Variants in BNC2 observed in about 807,000 individuals in gnomAD.
BNC2 encodes zinc finger protein basonuclin-2.
A neutral mutation model predicts 76.3 loss-of-function variants in BNC2; 20 were observed. The observed-to-expected ratio is 0.26, with a 90% confidence interval of 0.18 to 0.38. BNC2 has a LOEUF of 0.38. BNC2 is among the 10% of genes least tolerant of loss of function. BNC2 has a pLI of 1.00. For missense variants in BNC2, 1,382 were observed against 1,399.8 expected (o/e 0.99, Z 0.20); for synonymous variants, 582 against 514.8 (o/e 1.13, Z -1.77).
chr9:16,580,046 C>T (rs907265059), intron 4 of BNC2: 7 of 398,268 alleles, frequency 1.8e-5, no homozygotes, highest in African/African-American at 1.4e-4. Context: ...AAGTCACTTC[C>T]TCATTGCCCC....
At chr9:16,667,748 T>C (rs772024361) in intron 3 of BNC2, among the ~76,000 whole-genome samples, 3 of 152,152 alleles carry the variant, frequency 2.0e-5, no homozygotes, top group Non-Finnish European at 2.9e-5. Context: ...GAAAAAAATA[T>C]AGCATATGTT....
chr9:16,863,410 C>A (rs1317372855), intron 1 of BNC2, among the ~76,000 whole-genome samples: 1 of 152,144 alleles, frequency 6.6e-6, no homozygotes, highest in Non-Finnish European at 1.5e-5. Context: ...GGTGGCTGGG[C>A]ACAGTGGCTC....
intron 5 of BNC2, among the ~76,000 whole-genome samples, chr9:16,478,083 T>C (rs532919613): frequency 6.6e-6 from 1 of 152,218 alleles, no homozygotes; most frequent in Non-Finnish European, 1.5e-5. Flanking sequence ...AGGTAGTTCA[T>C]TTCATTGTTT....
At chr9:16,472,934 T>C (rs1821855382) in intron 5 of BNC2, among the ~76,000 whole-genome samples, 1 of 152,132 alleles carries the variant, frequency 6.6e-6, no homozygotes, top group Non-Finnish European at 1.5e-5. Context: ...GCATGGGAAA[T>C]GGACATGGGT....
At chr9:16,479,087 A>G (rs539807442) in intron 5 of BNC2, among the ~76,000 whole-genome samples, 1 of 152,098 alleles carries the variant, frequency 6.6e-6, no homozygotes, top group Non-Finnish European at 1.5e-5. Context: ...CCCTGTCTCT[A>G]CCAAAAAAAT....
chr9:16,825,957 C>G (rs574900338), intron 1 of BNC2, among the ~76,000 whole-genome samples: 103 of 151,992 alleles, frequency 6.8e-4, no homozygotes, highest in African/African-American at 2.5e-3. Context: ...TTTAATGGTT[C>G]CAGGGTTTTT....
At chr9:16,485,520 G>T (rs1235667935) in intron 5 of BNC2, among the ~76,000 whole-genome samples, 1 of 152,174 alleles carries the variant, frequency 6.6e-6, no homozygotes, top group African/African-American at 2.4e-5. Context: ...CATTAACCCA[G>T]TCAAGGGATC....
At chr9:16,518,254 C>A (rs1269295405) in intron 5 of BNC2, among the ~76,000 whole-genome samples, 1 of 151,982 alleles carries the variant, frequency 6.6e-6, no homozygotes, top group Non-Finnish European at 1.5e-5. Context: ...ATAGGGAGAC[C>A]CTGTCTCTAT....
intron 3 of BNC2, among the ~76,000 whole-genome samples, chr9:16,668,755 TA>T (rs1208958292): frequency 6.6e-6 from 1 of 152,222 alleles, no homozygotes; most frequent in African/African-American, 2.4e-5. Context: ...GGTAAGTGTG[TA>T]ATCTCTTTGA....
chr9:16,549,325 A>G (rs775775859), intron 5 of BNC2, among the ~76,000 whole-genome samples: 7 of 152,224 alleles, frequency 4.6e-5, no homozygotes, highest in Non-Finnish European at 8.8e-5. Context: ...ACTGCTAACC[A>G]AGTCAATATG....
intron 5 of BNC2, among the ~76,000 whole-genome samples, chr9:16,542,221 A>G (rs946004825): frequency 1.3e-5 from 2 of 152,308 alleles, no homozygotes; most frequent in Non-Finnish European, 2.9e-5. Context: ...GGGCTAATGT[A>G]AGAAATACAC....
intron 3 of BNC2, chr9:16,704,622 T>G (rs1823607781): frequency 2.0e-5 from 3 of 150,526 alleles, no homozygotes; most frequent in African/African-American, 7.3e-5. Context: ...AACTCGGATC[T>G]TCTGCATTCC....
intron 5 of BNC2, among the ~76,000 whole-genome samples, chr9:16,464,111 A>G (rs867038887): frequency 9.2e-5 from 14 of 151,718 alleles, no homozygotes; most frequent in African/African-American, 3.4e-4. Context: ...AAAAAAAAAA[A>G]AAGAAAGAAG....
intron 4 of BNC2, among the ~76,000 whole-genome samples, chr9:16,559,742 C>A (rs1818953418): frequency 6.6e-6 from 1 of 152,176 alleles, no homozygotes; most frequent in Non-Finnish European, 1.5e-5. Context: ...TAGCAGCTGA[C>A]CTTATTGATC....
intron 3 of BNC2, among the ~76,000 whole-genome samples, chr9:16,600,212 G>A (rs1039076068): frequency 6.6e-6 from 1 of 152,148 alleles, no homozygotes; most frequent in Non-Finnish European, 1.5e-5. Context: ...CAATTAGTGT[G>A]TTCTACTTGA....
chr9:16,695,749 G>C (rs1357484655), intron 3 of BNC2, among the ~76,000 whole-genome samples: 1 of 151,950 alleles, frequency 6.6e-6, no homozygotes, highest in African/African-American at 2.4e-5. Context: ...ACGTACCTCT[G>C]TGTGAACAGG....
intron 3 of BNC2, among the ~76,000 whole-genome samples, chr9:16,659,593 C>A (rs1029195682): frequency 2.9e-5 from 4 of 136,236 alleles, no homozygotes; most frequent in African/African-American, 1.1e-4. Flanking sequence ...GGTGACAGAG[C>A]GAGACTCCGT....
chr9:16,452,099 G>C (rs1321746553), intron 5 of BNC2, among the ~76,000 whole-genome samples: 1 of 152,320 alleles, frequency 6.6e-6, no homozygotes, highest in East Asian at 1.9e-4. Context: ...CAGGGAGGCA[G>C]CATCATTACT....
intron 3 of BNC2, among the ~76,000 whole-genome samples, chr9:16,637,443 G>C (rs1329673861): frequency 6.6e-6 from 1 of 152,126 alleles, no homozygotes; most frequent in Non-Finnish European, 1.5e-5. Flanking sequence ...ACATGCAGGG[G>C]CAAGCCTCCG....
Sources: allele counts gnomAD v4.1 joint callset (sites outside exome capture counted in the v4.1 genomes callset), GRCh38; gene constraint gnomAD v4.1.1; transcripts MANE v1.5; gene names NCBI Gene and HGNC (gene_info 2026-07-23, HGNC 2026-07-21).